The following GABBR2 variants were observed in gnomAD, a reference collection of about 807,000 sequenced individuals.
The protein encoded by GABBR2 is G-protein coupled receptor 51.
In GABBR2, 23 loss-of-function variants were observed where a neutral mutation model predicts 105.6. The ratio of observed to expected loss-of-function variants is 0.22; its 90% CI spans 0.16 to 0.31. The LOEUF (loss-of-function observed/expected upper bound fraction) is 0.31. Ranked by LOEUF, GABBR2 falls within the 10% of genes least tolerant of loss-of-function variation. GABBR2 has a pLI of 1.00. For missense variants in GABBR2, 734 were observed against 1,245.5 expected (o/e 0.59, Z 6.18); for synonymous variants, 478 against 499.7 (o/e 0.96, Z 0.58).
At chr9:98,343,895 AG>A (rs1227122578) in intron 13 of GABBR2, among the ~76,000 whole-genome samples, 1 of 152,122 alleles carries the variant, frequency 6.6e-6, no homozygotes, top group Admixed American at 6.5e-5. Flanking sequence ...TCCCATATGG[AG>A]GTGTGTGCAT....
At chr9:98,453,849 A>G (rs1314262064) in intron 7 of GABBR2, 132 bp downstream of exon 7, 1 of 715,736 alleles carries the variant, frequency 1.4e-6, no homozygotes, top group African/African-American at 1.8e-5. Flanking sequence ...CTGCAATCCT[A>G]GGGCCTGCAA....
chr9:98,665,070 C>T (rs748148444), intron 1 of GABBR2, among the ~76,000 whole-genome samples: 9 of 152,048 alleles, frequency 5.9e-5, no homozygotes, highest in Non-Finnish European at 1.0e-4. Flanking sequence ...AGTTCAAGAC[C>T]AGACTAGGCA....
At chr9:98,634,871 A>G (rs1829857301) in intron 1 of GABBR2, among the ~76,000 whole-genome samples, 1 of 151,972 alleles carries the variant, frequency 6.6e-6, no homozygotes, top group Non-Finnish European at 1.5e-5. Context: ...CTGCTCACAC[A>G]CCTCCAGTGC....
intron 3 of GABBR2, among the ~76,000 whole-genome samples, chr9:98,524,230 A>AG (rs1368313880): frequency 6.6e-6 from 1 of 152,244 alleles, no homozygotes; most frequent in Non-Finnish European, 1.5e-5. Context: ...ATTTTCAAAG[A>AG]GCAGTTAATT....
intron 2 of GABBR2, among the ~76,000 whole-genome samples, chr9:98,572,307 A>G (rs1409449421): frequency 2.0e-5 from 3 of 152,224 alleles, no homozygotes; most frequent in Admixed American, 6.5e-5. Context: ...AACCCGTTTC[A>G]GCACCAGGGT....
intron 16 of GABBR2, among the ~76,000 whole-genome samples, chr9:98,300,933 C>A (rs1277557774): frequency 6.6e-6 from 1 of 152,160 alleles, no homozygotes; most frequent in Non-Finnish European, 1.5e-5. Context: ...GTAATGAAGC[C>A]TCCATAAAAA....
chr9:98,396,415 A>G (rs1832291399), intron 8 of GABBR2, among the ~76,000 whole-genome samples: 1 of 152,244 alleles, frequency 6.6e-6, no homozygotes. Context: ...TTCAGAAAAC[A>G]GAACAGGGAA....
chr9:98,327,387 C>A (rs1355102954), intron 13 of GABBR2, among the ~76,000 whole-genome samples: 2 of 152,066 alleles, frequency 1.3e-5, no homozygotes, highest in African/African-American at 4.8e-5. Flanking sequence ...TCCTTGGCCC[C>A]TCCAGCAGCA....
intron 10 of GABBR2, among the ~76,000 whole-genome samples, chr9:98,387,593 G>A (rs367845750): frequency 2.1e-4 from 32 of 152,078 alleles, no homozygotes; most frequent in African/African-American, 7.5e-4. Flanking sequence ...TCAGGAAATA[G>A]GTTTGACCTA....
Position 98,388,908 on chromosome 9 carries a change from C to T in GABBR2, c.1475G>A (p.Gly492Glu). 6.2e-7 allele frequency: 1 copy of T among 1,613,824 alleles called. No individual in the cohort carries two copies. The highest frequency in any genetic ancestry group is 8.5e-7 in the Non-Finnish European group (1 of 1,179,818). The change falls in exon 10 of 19, where the codon GGG (glycine) becomes GAG (glutamate). Residue 492 changes from glycine to glutamate, a missense_variant. Gly to Glu is a moderately conservative substitution (Grantham distance 98, BLOSUM62 -2). Transcript: ENST00000259455. The surrounding 1 kb of genome is among the most constrained non-coding windows in gnomAD (Gnocchi z 4.4). ...YSILSALTIL[G>E]MIMASAFLFF... Reference sequence around the variant, plus strand: ...GAGAAAAGCACTGGCCATGATCATCCCGAGGATGGTGAGGGCAGAGAGGAT... The same window carrying T: ...GAGAAAAGCACTGGCCATGATCATCTCGAGGATGGTGAGGGCAGAGAGGAT...
chr9:98,430,241 G>C (rs1311604392), intron 7 of GABBR2, among the ~76,000 whole-genome samples: 1 of 137,642 alleles, frequency 7.3e-6, no homozygotes, highest in Non-Finnish European at 1.5e-5. Flanking sequence ...AGTGAGCCAA[G>C]ATCATGCCAC....
At chr9:98,335,361 T>C (rs1357919192) in intron 13 of GABBR2, among the ~76,000 whole-genome samples, 1 of 152,202 alleles carries the variant, frequency 6.6e-6, no homozygotes, top group African/African-American at 2.4e-5. Context: ...TTCAGCCTTT[T>C]CTTCTTTTAC....
At chr9:98,562,021 A>T (rs1828679736) in intron 2 of GABBR2, among the ~76,000 whole-genome samples, 1 of 152,174 alleles carries the variant, frequency 6.6e-6, no homozygotes, top group South Asian at 2.1e-4. Context: ...TCAGCGTTTC[A>T]CCCCATAGAT....
intron 1 of GABBR2, among the ~76,000 whole-genome samples, chr9:98,582,848 A>G (rs1051337890): frequency 2.0e-5 from 3 of 152,076 alleles, no homozygotes; most frequent in Admixed American, 1.3e-4. Flanking sequence ...GGTGTGTGAA[A>G]TCCCAACATC....
intron 7 of GABBR2, among the ~76,000 whole-genome samples, chr9:98,438,961 G>A (rs1256293273): frequency 6.6e-6 from 1 of 151,876 alleles, no homozygotes; most frequent in African/African-American, 2.4e-5. Context: ...CTTTTAAGGG[G>A]ATGACCACAG....
intron 1 of GABBR2, among the ~76,000 whole-genome samples, chr9:98,684,756 G>C (rs1269975061): frequency 6.6e-6 from 1 of 152,152 alleles, no homozygotes; most frequent in Non-Finnish European, 1.5e-5. Context: ...CTATGGTAGA[G>C]ACAAACTTTA....
rs1038842587 is a variant in GABBR2 at position 98,454,927 on chromosome 9, T to C, written c.1000-710A>G. On this transcript the variant is annotated intron_variant, in intron 6 of 18. Coordinates refer to ENST00000259455, the MANE Select transcript of GABBR2 (RefSeq NM_005458.8). The surrounding 1 kb of genome is among the most constrained non-coding windows in gnomAD (Gnocchi z 4.6). ...AGACCCTGGAAGTGGCTCCAGCTTATGGGTTGAGAATTCAGGGCACAGTCT... is the reference window on the plus strand; with the variant it reads ...AGACCCTGGAAGTGGCTCCAGCTTACGGGTTGAGAATTCAGGGCACAGTCT... Among the ~76,000 whole-genome samples, 7 of 152,142 alleles carry C rather than the reference T, an allele frequency of 4.6e-5. No homozygotes were observed. The highest frequency in any genetic ancestry group is 1.7e-4 in the African/African-American group (7 of 41,432).
At chr9:98,420,238 C>T (rs117357337) in intron 7 of GABBR2, among the ~76,000 whole-genome samples, 5 of 152,158 alleles carry the variant, frequency 3.3e-5, no homozygotes, top group African/African-American at 9.7e-5. Flanking sequence ...TACAAGTCCT[C>T]GGTGAGCTCC....
intron 9 of GABBR2, 81 bp downstream of exon 9, chr9:98,394,093 GC>G (rs1337418919): frequency 1.7e-5 from 17 of 974,822 alleles, no homozygotes; most frequent in Non-Finnish European, 2.8e-5. Context: ...AGGATGCTGA[GC>G]TTGTCCCTAA....
Sources: allele counts gnomAD v4.1 joint callset (sites outside exome capture counted in the v4.1 genomes callset), GRCh38; gene constraint gnomAD v4.1.1; non-coding constraint Gnocchi (gnomAD v3.1); transcripts MANE v1.5; gene names NCBI Gene and HGNC (gene_info 2026-07-23, HGNC 2026-07-21).